Variants in NTNG1 observed in about 807,000 individuals in gnomAD.
The protein encoded by NTNG1 is netrin-G1.
Under a neutral mutation model 54.0 loss-of-function variants are expected in NTNG1, and 16 were observed. The ratio of observed to expected loss-of-function variants is 0.30; its 90% CI spans 0.20 to 0.45. The LOEUF (loss-of-function observed/expected upper bound fraction) is 0.45, where lower values mean the gene tolerates loss of function less well. Among genes scored for constraint, NTNG1 ranks in the 20% least tolerant of loss-of-function variants. NTNG1 has a pLI of 1.00. For synonymous variants in NTNG1, 255 were observed against 263.1 expected (o/e 0.97, Z 0.30); for missense variants, 530 against 678.7 (o/e 0.78, Z 2.43).
At chr1:107,353,465 A>G (rs183914845) in intron 3 of NTNG1, among the ~76,000 whole-genome samples, 52 of 152,150 alleles carry the variant, frequency 3.4e-4, no homozygotes, top group African/African-American at 1.2e-3. Context: ...ATGACTTCCT[A>G]ATTTCCATCC....
chr1:107,183,069 C>T (rs1367842278), intron 2 of NTNG1, among the ~76,000 whole-genome samples: 1 of 152,154 alleles, frequency 6.6e-6, no homozygotes, highest in East Asian at 1.9e-4. Flanking sequence ...TAACAGAAGA[C>T]TGAACCGATT....
intron 5 of NTNG1, among the ~76,000 whole-genome samples, chr1:107,428,947 T>C (rs999917061): frequency 6.6e-6 from 1 of 152,090 alleles, no homozygotes; most frequent in African/African-American, 2.4e-5. Context: ...TAAATTTATA[T>C]GGATATTTCC....
chr1:107,292,466 T>C (rs1464632232), intron 2 of NTNG1, among the ~76,000 whole-genome samples: 1 of 152,176 alleles, frequency 6.6e-6, no homozygotes, highest in African/African-American at 2.4e-5. Flanking sequence ...CCTCACGTGA[T>C]GGTCAGGCAG....
At chr1:107,287,708 G>T (rs966257545) in intron 2 of NTNG1, among the ~76,000 whole-genome samples, 3 of 152,244 alleles carry the variant, frequency 2.0e-5, no homozygotes, top group South Asian at 2.1e-4. Flanking sequence ...TTATTCTCTA[G>T]GTGGGAAAGT....
At chr1:107,400,164 C>T (rs1672930618) in intron 4 of NTNG1, among the ~76,000 whole-genome samples, 1 of 152,022 alleles carries the variant, frequency 6.6e-6, no homozygotes, top group Non-Finnish European at 1.5e-5. Context: ...CATTTCTTTC[C>T]CCTAAAGCAT....
chr1:107,192,755 A>C (rs1658056108), intron 2 of NTNG1, among the ~76,000 whole-genome samples: 1 of 152,032 alleles, frequency 6.6e-6, no homozygotes, highest in South Asian at 2.1e-4. Flanking sequence ...TCCATGTGTG[A>C]GTACCTTGTG....
At chr1:107,403,789 C>A (rs1370079938) in intron 4 of NTNG1, 3 of 153,856 alleles carry the variant, frequency 1.9e-5, no homozygotes, top group African/African-American at 7.2e-5. Context: ...CTAGAAGTTA[C>A]ATGCTCTGAT....
At chr1:107,201,947 T>C (rs1183098053) in intron 2 of NTNG1, among the ~76,000 whole-genome samples, 1 of 151,928 alleles carries the variant, frequency 6.6e-6, no homozygotes, top group Non-Finnish European at 1.5e-5. Context: ...CTCTCCTCTG[T>C]TCTATAGTTT....
intron 2 of NTNG1, among the ~76,000 whole-genome samples, chr1:107,191,379 C>T (rs1657915578): frequency 6.6e-6 from 1 of 152,006 alleles, no homozygotes. Context: ...CTGTAGGTTG[C>T]CTGTTCACTC....
chr1:107,391,497 C>T (rs146691284), intron 3 of NTNG1, among the ~76,000 whole-genome samples: 2 of 152,186 alleles, frequency 1.3e-5, no homozygotes, highest in East Asian at 3.9e-4. Flanking sequence ...GTGCATTAGT[C>T]CATTTGCACA....
At chr1:107,179,288 C>T (rs761351463) in intron 2 of NTNG1, among the ~76,000 whole-genome samples, 1 of 152,258 alleles carries the variant, frequency 6.6e-6, no homozygotes, top group Middle Eastern at 3.4e-3. Flanking sequence ...AGACTTAAAC[C>T]TTTCTTGTGG....
chr1:107,153,542 T>A (rs1478305377), intron 2 of NTNG1, among the ~76,000 whole-genome samples: 1 of 152,174 alleles, frequency 6.6e-6, no homozygotes, highest in Non-Finnish European at 1.5e-5. Flanking sequence ...TATTAACACT[T>A]CATTGTTATT....
chr1:107,461,350 A>G (rs1677270815), intron 7 of NTNG1, among the ~76,000 whole-genome samples: 1 of 152,072 alleles, frequency 6.6e-6, no homozygotes, highest in Admixed American at 6.6e-5. Context: ...CAGGCGGAGG[A>G]GACAATTCCT....
intron 3 of NTNG1, among the ~76,000 whole-genome samples, chr1:107,376,308 T>C (rs1443966116): frequency 1.3e-5 from 2 of 151,456 alleles, no homozygotes; most frequent in Non-Finnish European, 2.9e-5. Flanking sequence ...CTCGGGAGGC[T>C]GAGGCATGGG....
intron 2 of NTNG1, among the ~76,000 whole-genome samples, chr1:107,241,403 A>G (rs1009174528): frequency 3.3e-5 from 5 of 152,208 alleles, no homozygotes; most frequent in African/African-American, 1.2e-4. Flanking sequence ...GGAAGCGGTA[A>G]TATTTACTAT....
At chr1:107,402,467 C>T (rs549983440) in intron 4 of NTNG1, among the ~76,000 whole-genome samples, 3 of 152,130 alleles carry the variant, frequency 2.0e-5, no homozygotes, top group Non-Finnish European at 4.4e-5. Context: ...TTCCACTCTT[C>T]AGATATGCTA....
At chr1:107,318,821 A>G (rs550410254) in intron 2 of NTNG1, among the ~76,000 whole-genome samples, 1 of 152,268 alleles carries the variant, frequency 6.6e-6, no homozygotes, top group African/African-American at 2.4e-5. Flanking sequence ...CATACCAGTT[A>G]ACAAGGAAGC....
chr1:107,303,974 C>T (rs980905727), intron 2 of NTNG1, among the ~76,000 whole-genome samples: 2 of 151,498 alleles, frequency 1.3e-5, no homozygotes, highest in Non-Finnish European at 2.9e-5. Context: ...CGTGAGCCAC[C>T]GCGCCCGCCT....
chr1:107,200,632 T>C (rs1456296552), intron 2 of NTNG1, among the ~76,000 whole-genome samples: 1 of 151,794 alleles, frequency 6.6e-6, no homozygotes. Flanking sequence ...CAAAGCCTTT[T>C]TAAAATGAAA....
Sources: gnomAD v4.1 joint callset for allele counts (sites outside exome capture counted in the v4.1 genomes callset) on GRCh38, gnomAD v4.1.1 for gene constraint, MANE v1.5 for transcripts, NCBI Gene and HGNC (gene_info 2026-07-23, HGNC 2026-07-21) for gene names.